Variants in CTNND2 observed in about 807,000 individuals in gnomAD.
The protein encoded by CTNND2 is catenin delta 2.
In CTNND2, 22 loss-of-function variants were observed where a neutral mutation model predicts 144.4. The observed-to-expected ratio is 0.15, with a 90% CI of 0.11 to 0.22. CTNND2 has a LOEUF of 0.22. Ranked by LOEUF, CTNND2 falls within the 10% of genes least tolerant of loss-of-function variation. The pLI, the probability that CTNND2 is intolerant of heterozygous loss-of-function variation, is 1.00. For synonymous variants in CTNND2, 751 were observed against 695.6 expected (o/e 1.08, Z -1.25); for missense variants, 1,353 against 1,618.8 (o/e 0.84, Z 2.82).
chr5:11,074,867 T>A (rs931926547), intron 16 of CTNND2, among the ~76,000 whole-genome samples: 1 of 152,160 alleles, frequency 6.6e-6, no homozygotes, highest in Non-Finnish European at 1.5e-5. Context: ...CTTTACAATG[T>A]GCAGATCAAA....
intron 2 of CTNND2, among the ~76,000 whole-genome samples, chr5:11,641,973 G>T (rs566915572): frequency 6.6e-6 from 1 of 151,626 alleles, no homozygotes; most frequent in African/African-American, 2.4e-5. Flanking sequence ...TTTTCTTTAC[G>T]GTGCATAACA....
At chr5:11,145,009 G>A (rs925388745) in intron 12 of CTNND2, among the ~76,000 whole-genome samples, 6 of 152,104 alleles carry the variant, frequency 3.9e-5, no homozygotes, top group African/African-American at 1.4e-4. Context: ...CCTATGCCAA[G>A]CAATTTATGT....
At chr5:11,617,568 C>T (rs1780638583) in intron 2 of CTNND2, among the ~76,000 whole-genome samples, 1 of 152,172 alleles carries the variant, frequency 6.6e-6, no homozygotes, top group African/African-American at 2.4e-5. Flanking sequence ...ATTCTAAGCT[C>T]ATTGTTAGGT....
chr5:11,587,197 G>A (rs768349438), intron 2 of CTNND2, among the ~76,000 whole-genome samples: 23 of 152,026 alleles, frequency 1.5e-4, no homozygotes, highest in Admixed American at 2.0e-4. Flanking sequence ...TTATAGTTCA[G>A]CAAAATTATT....
intron 2 of CTNND2, among the ~76,000 whole-genome samples, chr5:11,682,339 A>T (rs964277623): frequency 6.6e-6 from 1 of 152,196 alleles, no homozygotes; most frequent in African/African-American, 2.4e-5. Context: ...AGGTGTTGAA[A>T]ATTGCCCTTG....
chr5:11,846,608 A>C (rs1794747095), intron 1 of CTNND2, among the ~76,000 whole-genome samples: 1 of 152,152 alleles, frequency 6.6e-6, no homozygotes, highest in African/African-American at 2.4e-5. Context: ...GATTACATCA[A>C]ACTCAAAAGC....
At chr5:11,728,984 C>T (rs909587812) in intron 2 of CTNND2, among the ~76,000 whole-genome samples, 2 of 152,122 alleles carry the variant, frequency 1.3e-5, no homozygotes, top group Admixed American at 1.3e-4. Context: ...GGATACAAAT[C>T]CCCTAATGAA....
At chr5:11,456,325 T>C (rs1765733088) in intron 3 of CTNND2, among the ~76,000 whole-genome samples, 1 of 152,002 alleles carries the variant, frequency 6.6e-6, no homozygotes, top group Admixed American at 6.6e-5. Context: ...GCTTTTTTTT[T>C]TTTTGGTGTG....
At chr5:11,370,056 C>T (rs1461643510) in intron 7 of CTNND2, among the ~76,000 whole-genome samples, 1 of 152,036 alleles carries the variant, frequency 6.6e-6, no homozygotes, top group Non-Finnish European at 1.5e-5. Flanking sequence ...ATTTTTTTAA[C>T]TCAAAATTTC....
At chr5:11,692,452 T>G (rs191129202) in intron 2 of CTNND2, among the ~76,000 whole-genome samples, 18 of 152,324 alleles carry the variant, frequency 1.2e-4, no homozygotes, top group Non-Finnish European at 1.0e-4. Flanking sequence ...TTCTTAGAAT[T>G]TGTTTTATTT....
chr5:11,031,576 T>C (rs1743478973), intron 16 of CTNND2, among the ~76,000 whole-genome samples: 1 of 152,206 alleles, frequency 6.6e-6, no homozygotes, highest in Non-Finnish European at 1.5e-5. Flanking sequence ...GATGCCTCGG[T>C]GGGCTGGTAA....
At chr5:11,159,546 G>A (rs761380283) in intron 12 of CTNND2, 30 bp downstream of exon 12, 18 of 1,553,722 alleles carry the variant, frequency 1.2e-5, no homozygotes, top group South Asian at 9.8e-5. Context: ...GGAAGATGGT[G>A]GGAGGAGGCA....
chr5:11,305,360 C>G (rs1750082666), intron 9 of CTNND2, among the ~76,000 whole-genome samples: 1 of 152,166 alleles, frequency 6.6e-6, no homozygotes, highest in Non-Finnish European at 1.5e-5. Context: ...GCCCTTCTCT[C>G]TCCCCACCTC....
At chr5:10,978,499 G>C (rs1023052869) in intron 21 of CTNND2, among the ~76,000 whole-genome samples, 1 of 136,224 alleles carries the variant, frequency 7.3e-6, no homozygotes, top group East Asian at 2.1e-4. Context: ...ACTTTTTGGG[G>C]AGGGGGGGGA....
chr5:11,416,339 G>A (rs921656823), intron 3 of CTNND2, among the ~76,000 whole-genome samples: 3 of 152,168 alleles, frequency 2.0e-5, no homozygotes, highest in Non-Finnish European at 4.4e-5. Context: ...ATATAAAACT[G>A]TCTTTCCAAA....
At chr5:11,053,954 T>C (rs1580153235) in intron 16 of CTNND2, among the ~76,000 whole-genome samples, 1 of 152,234 alleles carries the variant, frequency 6.6e-6, no homozygotes, top group African/African-American at 2.4e-5. Flanking sequence ...TGGGAAAAAT[T>C]AAGCATCTGC....
At chr5:11,034,155 C>A (rs1259508573) in intron 16 of CTNND2, among the ~76,000 whole-genome samples, 1 of 151,928 alleles carries the variant, frequency 6.6e-6, no homozygotes, top group Non-Finnish European at 1.5e-5. Context: ...ATGTCTTTCC[C>A]CTGGTTTTAT....
intron 3 of CTNND2, among the ~76,000 whole-genome samples, chr5:11,500,663 C>A (rs1770444318): frequency 6.6e-6 from 1 of 152,172 alleles, no homozygotes; most frequent in Admixed American, 6.5e-5. Flanking sequence ...AATGAATATT[C>A]CAGGTAATCA....
rs1203198833 is a variant in CTNND2, at chr5:11,740,854, AC to A, written c.38-8583del. ...CAAACAAATTTACAAGAAAAAAACA[AC>A]CCATCAAAAAGTGGGCAAAGGACAC... On this transcript the variant is annotated intron_variant, in intron 1 of 21. Coordinates refer to ENST00000304623, the MANE Select transcript of CTNND2 (RefSeq NM_001332.4). Among the ~76,000 whole-genome samples, 28 of 152,222 alleles carry A rather than the reference AC, an allele frequency of 1.8e-4. 1 individual carries two copies.
Sources: allele counts gnomAD v4.1 joint callset (sites outside exome capture counted in the v4.1 genomes callset), GRCh38; gene constraint gnomAD v4.1.1; transcripts MANE v1.5; gene names NCBI Gene and HGNC (gene_info 2026-07-23, HGNC 2026-07-21).